UBTD1: variants seen among roughly 807,000 people sequenced by gnomAD.
UBTD1 encodes the protein ubiquitin domain containing 1.
In UBTD1, 19 loss-of-function variants were observed where a neutral mutation model predicts 21.7. The observed-to-expected ratio is 0.87, with a 90% confidence interval of 0.61 to 1.28. UBTD1 has a LOEUF of 1.28. UBTD1 is among the 50% of genes most tolerant of loss of function. The pLI is 0.00. For synonymous variants in UBTD1, 116 were observed against 135.1 expected (o/e 0.86, Z 0.98); for missense variants, 282 against 315.1 (o/e 0.89, Z 0.80).
At chr10:97,552,316 G>A (rs1362215508) in intron 1 of UBTD1, among the ~76,000 whole-genome samples, 1 of 151,798 alleles carries the variant, frequency 6.6e-6, no homozygotes, top group Non-Finnish European at 1.5e-5. Flanking sequence ...TGAGGCTGCA[G>A]TGAGCTATGA....
At chr10:97,531,531 G>A (rs1050724159) in intron 1 of UBTD1, among the ~76,000 whole-genome samples, 7 of 152,176 alleles carry the variant, frequency 4.6e-5, no homozygotes, top group African/African-American at 9.7e-5. Flanking sequence ...AATTCCAAGC[G>A]TGAGTCACCA....
chr10:97,553,388 C>T (rs1302339887), intron 1 of UBTD1, among the ~76,000 whole-genome samples: 2 of 152,240 alleles, frequency 1.3e-5, no homozygotes, highest in Non-Finnish European at 2.9e-5. Flanking sequence ...GCCTCAGCCT[C>T]CAAAAGTGCT....
At chr10:97,542,222 C>T (rs568208703) in intron 1 of UBTD1, among the ~76,000 whole-genome samples, 4 of 152,316 alleles carry the variant, frequency 2.6e-5, no homozygotes, top group South Asian at 2.1e-4. Flanking sequence ...GGGCAGGATG[C>T]GTCCTCTACA....
At chr10:97,524,103 C>T (rs546979369) in intron 1 of UBTD1, among the ~76,000 whole-genome samples, 2 of 152,250 alleles carry the variant, frequency 1.3e-5, no homozygotes, top group East Asian at 3.9e-4. Flanking sequence ...GATCACAGTG[C>T]CCCTGCTCCT....
Position 97,568,065 on chromosome 10 carries a change from C to G in UBTD1, c.222C>G (p.Ala74=), listed in dbSNP as rs376589185. ...RKEIWDALKA[A]AYAAEANDHE... is the part of the protein sequence containing the mutation. ...AGATCTGGGATGCCCTCAAGGCTGC[C>G]GCCTATGCTGCTGAAGCCAACGACC... The change falls in exon 2 of 3, where the codon GCC becomes GCG. Residue 74 remains alanine, a synonymous_variant. Transcript: ENST00000370664. The G allele has an allele frequency of 6.2e-7, 1 of 1,613,914 alleles. No homozygotes were observed. Among genetic ancestry groups the G allele is most frequent in the Non-Finnish European group, 8.5e-7 (1 of 1,180,030 alleles).
chr10:97,553,045 A>G (rs4917775), intron 1 of UBTD1, among the ~76,000 whole-genome samples: 145,410 of 152,380 alleles, frequency 0.95, 69,567 homozygotes, highest in Non-Finnish European at 0.99. Flanking sequence ...AGTACCTCGC[A>G]GAGGCGTGCA....
Position 97,544,864 on chromosome 10 carries a change from T to C in UBTD1, c.71-23050T>C, listed in dbSNP as rs189719056. ...ATAAAATCATAAGGAAGAGAAAATATATTTACTATTCATTAAGTTGAAGTG... is the reference window on the plus strand; with the variant it reads ...ATAAAATCATAAGGAAGAGAAAATACATTTACTATTCATTAAGTTGAAGTG... On this transcript the variant is annotated intron_variant, in intron 1 of 2. Coordinates refer to ENST00000370664, the MANE Select transcript of UBTD1 (RefSeq NM_024954.5). Among the ~76,000 whole-genome samples, 34 of 151,958 alleles carry C rather than the reference T, an allele frequency of 2.2e-4. No homozygotes were observed. The East Asian group carries it at 6.0e-3, about 27-fold the overall frequency.
At chr10:97,529,092 G>A (rs1320551175) in intron 1 of UBTD1, among the ~76,000 whole-genome samples, 1 of 151,664 alleles carries the variant, frequency 6.6e-6, no homozygotes, top group Non-Finnish European at 1.5e-5. Context: ...AGACAGGGTC[G>A]CGGCCGGCCG....
At position 97,539,933 on chromosome 10, in the gene UBTD1, G is replaced by A. The variant is rs537860427; in HGVS notation, c.71-27981G>A. On this transcript the variant is annotated intron_variant, in intron 1 of 2. Coordinates refer to ENST00000370664, the MANE Select transcript of UBTD1 (RefSeq NM_024954.5). ...CAAATCAAATAGCTGGGATGCCTGT[G>A]CAGCCCGAGGCCCTTCCAAACAACC... Among the ~76,000 whole-genome samples, 114 of 12,888 alleles carry A rather than the reference G, an allele frequency of 8.8e-3. 1 individual carries two copies. The highest frequency in any genetic ancestry group is 0.07 in the Admixed American group (49 of 704). The allele number at this position is 12,888 out of a possible 152,430, so 8.5% of individuals were successfully genotyped here.
At chr10:97,512,682 G>C (rs1589868312) in intron 1 of UBTD1, among the ~76,000 whole-genome samples, 1 of 152,218 alleles carries the variant, frequency 6.6e-6, no homozygotes, top group Admixed American at 6.5e-5. Flanking sequence ...GCTGTGTCCT[G>C]CTGTGACACA....
At chr10:97,516,463 G>A (rs2040444734) in intron 1 of UBTD1, among the ~76,000 whole-genome samples, 1 of 152,182 alleles carries the variant, frequency 6.6e-6, no homozygotes, top group Non-Finnish European at 1.5e-5. Context: ...CAGGGCTTTG[G>A]GCAGGGCAGA....
intron 1 of UBTD1, among the ~76,000 whole-genome samples, chr10:97,536,878 A>C (rs1589876243): frequency 6.6e-6 from 1 of 152,122 alleles, no homozygotes; most frequent in South Asian, 2.1e-4. Flanking sequence ...ACATTCATTC[A>C]TTCATTCAGC....
intron 1 of UBTD1, among the ~76,000 whole-genome samples, chr10:97,513,410 G>A (rs1223014924): frequency 6.6e-6 from 1 of 152,204 alleles, no homozygotes; most frequent in Non-Finnish European, 1.5e-5. Context: ...CAAGAGTTGG[G>A]ATGAGAGAGG....
intron 1 of UBTD1, among the ~76,000 whole-genome samples, chr10:97,566,947 A>G (rs756174608): frequency 2.0e-5 from 3 of 152,206 alleles, no homozygotes; most frequent in Non-Finnish European, 4.4e-5. Flanking sequence ...AACAAGAAAA[A>G]TGACATTTGA....
chr10:97,515,642 T>C (rs2040440731), intron 1 of UBTD1, among the ~76,000 whole-genome samples: 1 of 152,196 alleles, frequency 6.6e-6, no homozygotes, highest in Non-Finnish European at 1.5e-5. Flanking sequence ...CTCTTTGAGC[T>C]TCCTTCACTT....
In UBTD1 at chr10:97,519,804, G is replaced by T. The variant is rs886385380; in HGVS notation, c.70+20531G>T. Among the ~76,000 whole-genome samples, 3 of 152,154 alleles carry T rather than the reference G, an allele frequency of 2.0e-5. No individual in the cohort carries two copies. In the East Asian group the frequency reaches 5.8e-4, roughly 29 times the overall value. On this transcript the variant is annotated intron_variant, in intron 1 of 2. Transcript: ENST00000370664. ...AAGCCTGTATGTTGATTAAAAGGGG[G>T]TATGTGCTTTAAGAGGCTAAGAAGC...
intron 1 of UBTD1, among the ~76,000 whole-genome samples, chr10:97,552,192 C>A (rs1482748653): frequency 6.7e-6 from 1 of 149,562 alleles, no homozygotes; most frequent in African/African-American, 2.5e-5. Context: ...TGGCGAGACC[C>A]CATCTCTAAA....
At chr10:97,515,987 A>G (rs1032429732) in intron 1 of UBTD1, among the ~76,000 whole-genome samples, 2 of 152,192 alleles carry the variant, frequency 1.3e-5, no homozygotes, top group African/African-American at 2.4e-5. Flanking sequence ...CAGGGAGGAA[A>G]CTGGGTTTAT....
Position 97,526,331 on chromosome 10 carries a change from G to T in UBTD1, c.70+27058G>T, listed in dbSNP as rs1024164403. Among the ~76,000 whole-genome samples, 23 of 152,190 alleles carry T rather than the reference G, an allele frequency of 1.5e-4. 1 individual carries two copies. Among genetic ancestry groups the T allele is most frequent in the Admixed American group, 1.2e-3 (19 of 15,284 alleles). On this transcript the variant is annotated intron_variant, in intron 1 of 2. Coordinates refer to ENST00000370664, the MANE Select transcript of UBTD1 (RefSeq NM_024954.5). ...TCCACAACAAGGACTTTATCATAGAGAATGAAGCCGAAGTGTGTGCAAAGC... is the reference window on the plus strand; with the variant it reads ...TCCACAACAAGGACTTTATCATAGATAATGAAGCCGAAGTGTGTGCAAAGC...
Sources: gnomAD v4.1 joint callset for allele counts (sites outside exome capture counted in the v4.1 genomes callset) on GRCh38, gnomAD v4.1.1 for gene constraint, MANE v1.5 for transcripts, NCBI Gene and HGNC (gene_info 2026-07-23, HGNC 2026-07-21) for gene names.